Variants in ASCC3 observed in about 807,000 individuals in gnomAD.
The protein encoded by ASCC3 is activating signal cointegrator 1 complex subunit 3.
ASCC3 carries 158 observed loss-of-function variants against 256.3 expected under a neutral mutation model. The ratio of observed to expected loss-of-function variants is 0.62; its 90% CI spans 0.54 to 0.70. The LOEUF (loss-of-function observed/expected upper bound fraction) is 0.70, where lower values mean the gene tolerates loss of function less well. ASCC3 is among the 30% of genes least tolerant of loss of function. ASCC3 has a pLI of 0.00. For synonymous variants in ASCC3, 948 were observed against 883.4 expected (o/e 1.07, Z -1.30); for missense variants, 2,259 against 2,626.0 (o/e 0.86, Z 3.05).
At chr6:100,580,853 A>G (rs1771195989) in intron 36 of ASCC3, among the ~76,000 whole-genome samples, 1 of 150,550 alleles carries the variant, frequency 6.6e-6, no homozygotes, top group South Asian at 2.1e-4. Flanking sequence ...TGGTCTTGCG[A>G]TAGTTTACTG....
At chr6:100,723,137 A>T (rs781269668) in intron 11 of ASCC3, among the ~76,000 whole-genome samples, 7 of 151,706 alleles carry the variant, frequency 4.6e-5, no homozygotes, top group Non-Finnish European at 7.4e-5. Context: ...ACTGATTCAT[A>T]TTCTTTTTAA....
At chr6:100,713,003 C>T (rs1405165957) in intron 13 of ASCC3, among the ~76,000 whole-genome samples, 1 of 151,978 alleles carries the variant, frequency 6.6e-6, no homozygotes, top group African/African-American at 2.4e-5. Flanking sequence ...CGTGATCCAC[C>T]TGCCTCGGCC....
intron 37 of ASCC3, among the ~76,000 whole-genome samples, chr6:100,521,758 C>T (rs1039550264): frequency 6.6e-6 from 1 of 152,194 alleles, no homozygotes; most frequent in Admixed American, 6.5e-5. Flanking sequence ...TTCAGAGATC[C>T]AAACCTGATA....
rs948370591 is a variant in ASCC3, at chr6:100,644,949, T to C, written c.3634-820A>G. Among the ~76,000 whole-genome samples the C allele has an allele frequency of 1.2e-4, 18 of 152,186 alleles. No individual in the cohort carries two copies. The East Asian group carries it at 3.3e-3, about 28-fold the overall frequency. Reference sequence around the variant, plus strand: ...GGGTGAAAAGTTCCTGGTCTTTGAATGACATCTTTAAACAGAAGACTCAAC... The same window carrying C: ...GGGTGAAAAGTTCCTGGTCTTTGAACGACATCTTTAAACAGAAGACTCAAC... On this transcript the variant is annotated intron_variant, in intron 22 of 41. Transcript: ENST00000369162.
intron 14 of ASCC3, among the ~76,000 whole-genome samples, chr6:100,662,927 T>C (rs1242957419): frequency 6.6e-6 from 1 of 152,020 alleles, no homozygotes; most frequent in Non-Finnish European, 1.5e-5. Context: ...TGCAAGACTA[T>C]GGAAATCAAT....
chr6:100,795,841 T>C (rs1372828499), intron 8 of ASCC3, among the ~76,000 whole-genome samples: 1 of 152,094 alleles, frequency 6.6e-6, no homozygotes, highest in African/African-American at 2.4e-5. Flanking sequence ...GCACTTTCTC[T>C]GACACATAAA....
chr6:100,792,604 T>C (rs1441087898), intron 8 of ASCC3, among the ~76,000 whole-genome samples: 1 of 151,920 alleles, frequency 6.6e-6, no homozygotes, highest in African/African-American at 2.4e-5. Flanking sequence ...AAACTCCTTA[T>C]ATAGTCCAAC....
intron 10 of ASCC3, among the ~76,000 whole-genome samples, chr6:100,739,269 C>G (rs1375769678): frequency 1.3e-5 from 2 of 152,154 alleles, no homozygotes; most frequent in South Asian, 2.1e-4. Flanking sequence ...GTTGAACCAG[C>G]CTTGCATCCT....
intron 40 of ASCC3, among the ~76,000 whole-genome samples, chr6:100,511,529 C>T (rs1274337886): frequency 6.6e-6 from 1 of 152,058 alleles, no homozygotes; most frequent in African/African-American, 2.4e-5. Flanking sequence ...GTCAGGAGTT[C>T]AAGATGAGCT....
intron 16 of ASCC3, among the ~76,000 whole-genome samples, chr6:100,658,159 C>T (rs1209794039): frequency 6.6e-6 from 1 of 151,460 alleles, no homozygotes; most frequent in Admixed American, 6.6e-5. Flanking sequence ...TCCATTGTGC[C>T]TAGCACATAA....
At chr6:100,557,607 T>G (rs1769671877) in intron 36 of ASCC3, among the ~76,000 whole-genome samples, 1 of 151,784 alleles carries the variant, frequency 6.6e-6, no homozygotes, top group African/African-American at 2.4e-5. Context: ...CAGTTGCTGT[T>G]TACCTGGTAT....
intron 22 of ASCC3, 141 bp downstream of exon 22, chr6:100,646,474 C>A: frequency 2.3e-6 from 2 of 887,372 alleles, no homozygotes; most frequent in Non-Finnish European, 1.6e-6. Flanking sequence ...CCATGCCCGG[C>A]TAATTGCTAT....
intron 40 of ASCC3, among the ~76,000 whole-genome samples, chr6:100,510,998 C>G (rs1044725059): frequency 2.6e-5 from 4 of 152,100 alleles, no homozygotes; most frequent in Non-Finnish European, 5.9e-5. Flanking sequence ...ATGATTAAAT[C>G]TAAGCTTTAA....
At chr6:100,529,437 A>G (rs1289999894) in intron 37 of ASCC3, among the ~76,000 whole-genome samples, 1 of 152,200 alleles carries the variant, frequency 6.6e-6, no homozygotes, top group African/African-American at 2.4e-5. Flanking sequence ...TGGACACTGT[A>G]GAGTGATATA....
At chr6:100,632,027 CT>C in intron 25 of ASCC3, among the ~76,000 whole-genome samples, 1 of 151,734 alleles carries the variant, frequency 6.6e-6, no homozygotes, top group East Asian at 1.9e-4. Context: ...GTAAATGTTT[CT>C]ATTTTAGTGT....
At chr6:100,581,429 T>G (rs1475621653) in intron 36 of ASCC3, among the ~76,000 whole-genome samples, 2 of 148,476 alleles carry the variant, frequency 1.3e-5, no homozygotes, top group East Asian at 3.9e-4. Context: ...TTGATGGGGT[T>G]GTTTGTTTTT....
Position 100,848,417 on chromosome 6 carries a change from G to C in ASCC3, c.532C>G (p.His178Asp). 1.2e-6 allele frequency: 2 copies of C among 1,612,736 alleles called. No individual in the cohort carries two copies. The highest frequency in any genetic ancestry group is 1.7e-6 in the Non-Finnish European group (2 of 1,179,716). Residue 178 changes from histidine (H) to aspartate (D), a missense_variant, in exon 4 of 42, where the codon CAC becomes GAC. Physicochemically the swap from His to Asp is moderately conservative, Grantham distance 81. Around this residue, in one of 2 missense-constraint regions of ASCC3, gnomAD observed 420 missense variants for 419.3 expected, o/e 1.00. Coordinates refer to ENST00000369162, the MANE Select transcript of ASCC3 (RefSeq NM_006828.4). ...AFSFDMHDLD[H>D]FDELPINGET... ...CCATTTATTGGCAGTTCGTCAAAGT[G>C]GTCCAAATCATGCATGTCAAATGAA... is the stretch of plus-strand genomic sequence containing the variant.
In ASCC3 at chr6:100,805,768, G is replaced by T; in HGVS notation, c.914C>A (p.Ala305Asp). ...LNSSNDHRFQ[A>D]LQDNCKKILG... ...ACTGCATACTTTCTTACCTTGAAGAGCCTGAAACCTATGATCATTTGAAGA... is the reference window on the plus strand; with the variant it reads ...ACTGCATACTTTCTTACCTTGAAGATCCTGAAACCTATGATCATTTGAAGA... Residue 305 changes from alanine to aspartate, a missense_variant, in exon 5 of 42, where the codon GCT becomes GAT. By Grantham distance (126) the Ala-to-Asp change is moderately radical. This residue lies in a region of ASCC3 where 420 missense variants were observed against 419.3 expected (regional missense o/e 1.00). Transcript: ENST00000369162. 1.2e-6 allele frequency: 2 copies of T among 1,610,622 alleles called. No individual in the cohort carries two copies. Among genetic ancestry groups the T allele is most frequent in the East Asian group, 4.5e-5 (2 of 44,684 alleles).
intron 34 of ASCC3, among the ~76,000 whole-genome samples, chr6:100,598,434 A>G (rs1466818894): frequency 1.3e-5 from 2 of 152,224 alleles, no homozygotes; most frequent in East Asian, 1.9e-4. Context: ...CTAATACCCA[A>G]GAATACTCTG....
Sources: allele counts gnomAD v4.1 joint callset (sites outside exome capture counted in the v4.1 genomes callset), GRCh38; gene constraint gnomAD v4.1.1; regional missense constraint gnomAD v4.1.1; transcripts MANE v1.5; gene names NCBI Gene and HGNC (gene_info 2026-07-23, HGNC 2026-07-21).